KSR2: variants seen among roughly 807,000 people sequenced by gnomAD.
KSR2 encodes the protein kinase suppressor of ras 2.
KSR2 carries 25 observed loss-of-function variants against 107.8 expected under a neutral mutation model. That is an observed-to-expected ratio of 0.23 (90% CI 0.17 to 0.32). KSR2 has a LOEUF of 0.32. Ranked by LOEUF, KSR2 falls within the 10% of genes least tolerant of loss-of-function variation. KSR2 has a pLI of 1.00. For missense variants in KSR2, 887 were observed against 1,268.9 expected (o/e 0.70, Z 4.57); for synonymous variants, 480 against 507.0 (o/e 0.95, Z 0.71).
In KSR2 at chr12:117,700,839, A is replaced by G. The variant is rs542775837; in HGVS notation, c.987-33181T>C. Among the ~76,000 whole-genome samples the G allele has an allele frequency of 2.6e-5, 4 of 152,292 alleles. No individual in the cohort carries two copies. The East Asian group carries it at 5.8e-4, about 22-fold the overall frequency. On this transcript the variant is annotated intron_variant, in intron 4 of 19. Transcript: ENST00000339824. ...TTAGCAGGTTTTTGTACAACTCCCA[A>G]TGTCGGTGCTACCATGCAGGGCAAC...
At chr12:117,620,654 A>G (rs1002724618) in intron 5 of KSR2, among the ~76,000 whole-genome samples, 1 of 152,174 alleles carries the variant, frequency 6.6e-6, no homozygotes, top group African/African-American at 2.4e-5. Flanking sequence ...CCTAGCTCCA[A>G]TATCAGCAGC....
intron 7 of KSR2, among the ~76,000 whole-genome samples, chr12:117,560,242 G>A (rs1222160775): frequency 6.6e-6 from 1 of 152,110 alleles, no homozygotes; most frequent in African/African-American, 2.4e-5. Flanking sequence ...GTCTGAAAAA[G>A]CCCTCTAGGT....
In KSR2 at chr12:117,724,592, G is replaced by A. The variant is rs600468; in HGVS notation, c.986+36419C>T. Among the ~76,000 whole-genome samples, 258 of 102,174 alleles carry A rather than the reference G, an allele frequency of 2.5e-3. 2 individuals carry two copies. The highest frequency in any genetic ancestry group is 0.022 in the Admixed American group (223 of 10,046). The allele number at this position is 102,174 out of a possible 152,430, so 67.0% of individuals were successfully genotyped here. A position where few individuals can be genotyped will look rare whatever the true frequency, so the allele number is the denominator to read the frequency against. ...CAAAAAAACCTGCCCCCCCACCCCC[G>A]GCCGCCTGCAGTTCTGGACTGTTGG... On this transcript the variant is annotated intron_variant, in intron 4 of 19. Transcript: ENST00000339824.
intron 7 of KSR2, among the ~76,000 whole-genome samples, chr12:117,567,242 T>C (rs1490431655): frequency 6.6e-6 from 1 of 152,180 alleles, no homozygotes; most frequent in Non-Finnish European, 1.5e-5. Context: ...AAGTGGTGGC[T>C]GAGCTGAGCT....
chr12:117,784,278 G>A (rs1178845846), intron 3 of KSR2, among the ~76,000 whole-genome samples: 9 of 152,138 alleles, frequency 5.9e-5, no homozygotes, highest in Non-Finnish European at 1.3e-4. Context: ...GTGTCTCATG[G>A]TAGTGAGTAA....
intron 4 of KSR2, among the ~76,000 whole-genome samples, chr12:117,680,763 G>A (rs949292232): frequency 6.6e-6 from 1 of 152,150 alleles, no homozygotes; most frequent in African/African-American, 2.4e-5. Context: ...GTGAAAGTGG[G>A]AGGAGAAAAA....
chr12:117,919,446 C>A (rs1361482775), intron 1 of KSR2, among the ~76,000 whole-genome samples: 1 of 152,152 alleles, frequency 6.6e-6, no homozygotes, highest in Non-Finnish European at 1.5e-5. Context: ...TGAACACAAC[C>A]CGGCAGAATG....
intron 3 of KSR2, among the ~76,000 whole-genome samples, chr12:117,820,925 T>C (rs1339094807): frequency 1.3e-5 from 2 of 152,146 alleles, no homozygotes; most frequent in African/African-American, 2.4e-5. Context: ...AGTCTCTGTT[T>C]CTGAGGTTTT....
chr12:117,856,720 GC>G (rs1179229235), intron 2 of KSR2, among the ~76,000 whole-genome samples: 1 of 151,968 alleles, frequency 6.6e-6, no homozygotes, highest in African/African-American at 2.4e-5. Flanking sequence ...CAGGTGATCT[GC>G]CCACCTCAGC....
At chr12:117,539,948 A>G (rs1876360168) in intron 9 of KSR2, 61 bp from the exon 10 acceptor site, 1 of 1,464,250 alleles carries the variant, frequency 6.8e-7, no homozygotes, top group Non-Finnish European at 9.3e-7. Context: ...CACAGCAGAA[A>G]GAGTGGGCTG....
intron 3 of KSR2, among the ~76,000 whole-genome samples, chr12:117,846,377 T>G (rs1003693483): frequency 2.6e-5 from 4 of 151,282 alleles, no homozygotes; most frequent in Admixed American, 6.6e-5. Context: ...CACGGCAGCC[T>G]TGACCTCCCA....
intron 4 of KSR2, among the ~76,000 whole-genome samples, chr12:117,715,557 C>G (rs962349238): frequency 6.6e-6 from 1 of 152,194 alleles, no homozygotes; most frequent in Non-Finnish European, 1.5e-5. Context: ...AATCCCCATA[C>G]AGTTGTTTAA....
chr12:117,780,450 T>C (rs1158346457), intron 3 of KSR2, among the ~76,000 whole-genome samples: 1 of 152,216 alleles, frequency 6.6e-6, no homozygotes, highest in African/African-American at 2.4e-5. Flanking sequence ...AAATGAAATA[T>C]GCCAGACACA....
At chr12:117,895,230 G>C (rs1016268572) in intron 1 of KSR2, among the ~76,000 whole-genome samples, 7 of 151,980 alleles carry the variant, frequency 4.6e-5, no homozygotes, top group Non-Finnish European at 1.0e-4. Flanking sequence ...GCAAGATCCT[G>C]TCTCTAAGTA....
At chr12:117,488,923 T>C (rs1872607998) in intron 14 of KSR2, among the ~76,000 whole-genome samples, 1 of 152,134 alleles carries the variant, frequency 6.6e-6, no homozygotes, top group Non-Finnish European at 1.5e-5. Flanking sequence ...CAAATGTTCG[T>C]CAACAGAAAA....
intron 1 of KSR2, among the ~76,000 whole-genome samples, chr12:117,952,055 G>T (rs745402400): frequency 6.6e-6 from 1 of 152,000 alleles, no homozygotes; most frequent in Non-Finnish European, 1.5e-5. Context: ...GTTATGAGAT[G>T]AATAAATTCT....
intron 15 of KSR2, among the ~76,000 whole-genome samples, chr12:117,484,767 G>C (rs1872365238): frequency 6.6e-6 from 1 of 152,134 alleles, no homozygotes; most frequent in Non-Finnish European, 1.5e-5. Flanking sequence ...CAAATCCACT[G>C]CCACTCTTAG....
chr12:117,530,568 A>G (rs1281819296), intron 12 of KSR2, among the ~76,000 whole-genome samples: 3 of 152,270 alleles, frequency 2.0e-5, no homozygotes, highest in Admixed American at 2.0e-4. Flanking sequence ...GTGACATGGA[A>G]TAATTGCCCT....
intron 1 of KSR2, among the ~76,000 whole-genome samples, chr12:117,948,248 AG>A (rs1896258060): frequency 1.3e-5 from 2 of 151,982 alleles, no homozygotes; most frequent in African/African-American, 4.8e-5. Flanking sequence ...CAGGAGTTCG[AG>A]ACCAGCTGCA....
Sources: allele counts gnomAD v4.1 joint callset (sites outside exome capture counted in the v4.1 genomes callset), GRCh38; gene constraint gnomAD v4.1.1; transcripts MANE v1.5; gene names NCBI Gene and HGNC (gene_info 2026-07-23, HGNC 2026-07-21).